XKR9: variants seen among roughly 807,000 people sequenced by gnomAD.
The protein encoded by XKR9 is XK-related protein 9.
A neutral mutation model predicts 32.0 loss-of-function variants in XKR9; 32 were observed. The ratio of observed to expected loss-of-function variants is 1.00; its 90% CI spans 0.76 to 1.34. XKR9 has a LOEUF of 1.34. Among genes scored for constraint, XKR9 ranks in the 40% most tolerant of loss-of-function variants. XKR9 has a pLI of 0.00. For missense variants in XKR9, 546 were observed against 429.7 expected, an observed-to-expected ratio of 1.27 and a Z score of -2.39; for synonymous variants, 168 against 143.4, an observed-to-expected ratio of 1.17 and a Z score of -1.22.
chr8:70,912,518 C>G, the XKR9 span, among the ~76,000 whole-genome samples: 1 of 152,012 alleles, frequency 6.6e-6, no homozygotes, highest in Non-Finnish European at 1.5e-5. Flanking sequence ...TATAGCAATT[C>G]ATGGAGATAG....
At chr8:70,984,063 AT>A in the XKR9 span, among the ~76,000 whole-genome samples, 1 of 152,180 alleles carries the variant, frequency 6.6e-6, no homozygotes, top group African/African-American at 2.4e-5. Context: ...AATTATCTTT[AT>A]TTTTTGAGTT....
the XKR9 span, among the ~76,000 whole-genome samples, chr8:70,896,640 T>A: frequency 6.6e-6 from 1 of 151,990 alleles, no homozygotes; most frequent in Non-Finnish European, 1.5e-5. Context: ...ATTTTCTTCA[T>A]TGTTTTGTTT....
At chr8:70,810,847 T>G in the XKR9 span, among the ~76,000 whole-genome samples, 2 of 152,170 alleles carry the variant, frequency 1.3e-5, no homozygotes, top group African/African-American at 4.8e-5. Flanking sequence ...AATGGGAGAC[T>G]TTAACACCCC....
Position 70,749,855 on chromosome 8 carries a change from A to G in XKR9, n.353-39484A>G, listed in dbSNP as rs138348517. On this transcript the variant is annotated intron_variant and non_coding_transcript_variant, in intron 2 of 3. Transcript: ENST00000520273. ...TAGGTTTAATCCTTTTGCATATAACATCTTAGTTTTTCATTAGACTGTTGC... is the reference window on the plus strand; with the variant it reads ...TAGGTTTAATCCTTTTGCATATAACGTCTTAGTTTTTCATTAGACTGTTGC... 1.7e-3 allele frequency among the ~76,000 whole-genome samples: 254 copies of G among 152,318 alleles called. 4 individuals are homozygous for G. In the East Asian group the frequency reaches 0.037, roughly 22 times the overall value.
intron 2 of XKR9, among the ~76,000 whole-genome samples, chr8:70,764,401 A>T (rs1216306278): frequency 1.3e-5 from 2 of 152,086 alleles, no homozygotes; most frequent in Non-Finnish European, 2.9e-5. Context: ...TAGGTCAGAA[A>T]ATGTACTTGT....
At chr8:70,818,745 T>C in the XKR9 span, among the ~76,000 whole-genome samples, 2 of 152,324 alleles carry the variant, frequency 1.3e-5, no homozygotes, top group Admixed American at 6.5e-5. Context: ...GGTTGAGTAG[T>C]CTTAGAGACT....
At chr8:70,686,849 A>G (rs976363684) in intron 3 of XKR9, among the ~76,000 whole-genome samples, 1 of 151,980 alleles carries the variant, frequency 6.6e-6, no homozygotes, top group Non-Finnish European at 1.5e-5. Context: ...ATAGGTGTAT[A>G]TATTTATGGA....
At chr8:70,691,419 G>T (rs931149087) in intron 3 of XKR9, among the ~76,000 whole-genome samples, 5 of 152,100 alleles carry the variant, frequency 3.3e-5, no homozygotes, top group African/African-American at 9.7e-5. Context: ...AGTTTAGTTA[G>T]ATCTCATTTG....
intron 2 of XKR9, among the ~76,000 whole-genome samples, chr8:70,769,642 A>T (rs775364437): frequency 6.6e-6 from 1 of 151,596 alleles, no homozygotes; most frequent in Non-Finnish European, 1.5e-5. Flanking sequence ...GTTCCTTTTC[A>T]TTCTTTTTTC....
chr8:70,882,810 G>T, the XKR9 span, among the ~76,000 whole-genome samples: 1 of 151,440 alleles, frequency 6.6e-6, no homozygotes, highest in Non-Finnish European at 1.5e-5. Context: ...GTTCATTTTT[G>T]CACTGTACAT....
At chr8:71,046,101 G>A in the XKR9 span, among the ~76,000 whole-genome samples, 1 of 152,150 alleles carries the variant, frequency 6.6e-6, no homozygotes, top group Admixed American at 6.5e-5. Context: ...TACTGGCAAA[G>A]TGGATGTTCC....
intron 2 of XKR9, among the ~76,000 whole-genome samples, chr8:70,788,929 A>G (rs1280963617): frequency 6.6e-6 from 1 of 152,100 alleles, no homozygotes; most frequent in East Asian, 1.9e-4. Context: ...TTTTAGGTCC[A>G]TATCCTGTTG....
chr8:70,721,035 G>A (rs868030484), intron 4 of XKR9, among the ~76,000 whole-genome samples: 10 of 152,268 alleles, frequency 6.6e-5, no homozygotes, highest in Middle Eastern at 3.4e-3. Context: ...TTGGGAGGGC[G>A]TGTGTGTCCA....
chr8:70,796,269 G>A, the XKR9 span, among the ~76,000 whole-genome samples: 3 of 151,916 alleles, frequency 2.0e-5, no homozygotes, highest in Non-Finnish European at 4.4e-5. Flanking sequence ...TTGTTCATAT[G>A]TACCAGATTT....
At chr8:70,878,255 C>G in the XKR9 span, among the ~76,000 whole-genome samples, 1 of 152,042 alleles carries the variant, frequency 6.6e-6, no homozygotes, top group Non-Finnish European at 1.5e-5. Flanking sequence ...AATTAATGGG[C>G]AAAATAACCA....
At chr8:70,865,961 G>A in the XKR9 span, among the ~76,000 whole-genome samples, 1 of 152,094 alleles carries the variant, frequency 6.6e-6, no homozygotes, top group African/African-American at 2.4e-5. Flanking sequence ...AAGTATTGAG[G>A]TTGTCCTCAA....
At chr8:70,893,614 G>A in the XKR9 span, among the ~76,000 whole-genome samples, 2,565 of 152,230 alleles carry the variant, frequency 0.017, 59 homozygotes, top group African/African-American at 0.058. Flanking sequence ...AGCTGTGTTC[G>A]ACATTTGCAA....
chr8:70,798,462 G>A, the XKR9 span, among the ~76,000 whole-genome samples: 2 of 151,978 alleles, frequency 1.3e-5, no homozygotes, highest in Non-Finnish European at 2.9e-5. Flanking sequence ...CCATTTGTTG[G>A]GTAAACAGTT....
the XKR9 span, among the ~76,000 whole-genome samples, chr8:71,048,257 A>T: frequency 6.6e-6 from 1 of 152,028 alleles, no homozygotes; most frequent in Admixed American, 6.6e-5. Context: ...GAAAAAGTGC[A>T]TTTCTCTCTT....
Sources: allele counts gnomAD v4.1 joint callset (sites outside exome capture counted in the v4.1 genomes callset), GRCh38; gene constraint gnomAD v4.1.1; transcripts MANE v1.5; gene names NCBI Gene and HGNC (gene_info 2026-07-23, HGNC 2026-07-21).